Variants in PIAS2 observed in about 807,000 individuals in gnomAD.
The protein encoded by PIAS2 is protein inhibitor of activated STAT 2.
A neutral mutation model predicts 69.7 loss-of-function variants in PIAS2; 19 were observed. That is an observed-to-expected ratio of 0.27 (90% CI 0.19 to 0.40). The LOEUF (loss-of-function observed/expected upper bound fraction) is 0.40, where lower values mean the gene tolerates loss of function less well. PIAS2 is among the 10% of genes least tolerant of loss of function. The pLI is 1.00. For synonymous variants in PIAS2, 261 were observed against 263.2 expected (o/e 0.99, Z 0.08); for missense variants, 624 against 757.0 (o/e 0.82, Z 2.06).
intron 11 of PIAS2, among the ~76,000 whole-genome samples, chr18:46,825,585 A>G (rs2042742476): frequency 1.3e-5 from 2 of 152,202 alleles, no homozygotes; most frequent in Non-Finnish European, 2.9e-5. Flanking sequence ...TGCTCTGGCC[A>G]TACTCATTTG....
rs141833333 is a variant in PIAS2 at position 46,878,011 on chromosome 18, T to C, written c.499+12569A>G. On this transcript the variant is annotated intron_variant, in intron 2 of 13. Coordinates refer to ENST00000585916, the MANE Select transcript of PIAS2 (RefSeq NM_004671.5). ...CCAAGTATTCAGATTCATTTATAAT[T>C]ACTAAATGAGTAGGCTACTGGTATA... 4.0e-3 allele frequency among the ~76,000 whole-genome samples: 609 copies of C among 152,330 alleles called. 18 individuals carry two copies. Among genetic ancestry groups the C allele is most frequent in the Admixed American group, 0.039 (592 of 15,296 alleles).
chr18:46,836,197 AT>A, intron 9 of PIAS2, 159 bp downstream of exon 9: 1 of 548,440 alleles, frequency 1.8e-6, no homozygotes, highest in Non-Finnish European at 3.3e-6. Context: ...AAAAAATAAG[AT>A]TGAGTATAAT....
At chr18:46,919,981 G>A, upstream of PIAS2, 1 of 954,270 alleles carries the variant, frequency 1.0e-6, no homozygotes. Context: ...CTGCCACAGA[G>A]GAGCTTACAC....
At chr18:46,872,089 G>T (rs966612506) in intron 2 of PIAS2, among the ~76,000 whole-genome samples, 1 of 152,118 alleles carries the variant, frequency 6.6e-6, no homozygotes, top group East Asian at 1.9e-4. Context: ...TGTAGTCGAA[G>T]GTCTCATTCA....
At chr18:46,894,892 G>A (rs1221039715) in intron 1 of PIAS2, among the ~76,000 whole-genome samples, 5 of 151,568 alleles carry the variant, frequency 3.3e-5, no homozygotes, top group Non-Finnish European at 5.9e-5. Flanking sequence ...CCAACACGGT[G>A]AAACCCCGTC....
intron 2 of PIAS2, among the ~76,000 whole-genome samples, chr18:46,880,098 A>C (rs1391726523): frequency 6.6e-6 from 1 of 151,982 alleles, no homozygotes; most frequent in African/African-American, 2.4e-5. Context: ...GTAAAAAAAA[A>C]AAAAAAAAAA....
intron 5 of PIAS2, among the ~76,000 whole-genome samples, chr18:46,854,669 C>A (rs987170724): frequency 5.9e-5 from 9 of 152,118 alleles, no homozygotes; most frequent in Non-Finnish European, 1.3e-4. Flanking sequence ...TGTATACATC[C>A]TAGGTGCTGA....
At chr18:46,877,957 T>C (rs2051522820) in intron 2 of PIAS2, among the ~76,000 whole-genome samples, 1 of 152,236 alleles carries the variant, frequency 6.6e-6, no homozygotes, top group South Asian at 2.1e-4. Context: ...TGCCACAATT[T>C]CATGAATTTT....
intron 1 of PIAS2, among the ~76,000 whole-genome samples, chr18:46,895,824 CA>C (rs2054773217): frequency 6.6e-6 from 1 of 152,140 alleles, no homozygotes; most frequent in Non-Finnish European, 1.5e-5. Context: ...TTACTCTTTT[CA>C]AAGGTCATTG....
intron 5 of PIAS2, chr18:46,852,873 T>G (rs934528024): frequency 6.6e-6 from 1 of 152,310 alleles, no homozygotes; most frequent in Non-Finnish European, 1.5e-5. Flanking sequence ...CACACGATGA[T>G]ACAGGATAAG....
chr18:46,819,785 T>C (rs922733110), intron 12 of PIAS2, among the ~76,000 whole-genome samples: 1 of 152,084 alleles, frequency 6.6e-6, no homozygotes, highest in Non-Finnish European at 1.5e-5. Flanking sequence ...TGCTCAAATA[T>C]AATTGACAGA....
intron 3 of PIAS2, among the ~76,000 whole-genome samples, chr18:46,859,125 T>A (rs1472402246): frequency 6.6e-6 from 1 of 152,042 alleles, no homozygotes; most frequent in African/African-American, 2.4e-5. Context: ...ATATTCAGAA[T>A]GACATAAAAG....
intron 1 of PIAS2, chr18:46,915,347 G>C (rs2057701168): frequency 1.3e-5 from 2 of 152,156 alleles, no homozygotes; most frequent in Non-Finnish European, 2.9e-5. Flanking sequence ...TGTAAGGGCG[G>C]GGTACAGTTC....
chr18:46,830,786 T>C (rs504668), intron 9 of PIAS2, among the ~76,000 whole-genome samples: 68,050 of 151,954 alleles, frequency 0.45, 15,305 homozygotes, highest in Middle Eastern at 0.52. Context: ...CAATGTCTTC[T>C]CTAGGGAATT....
At chr18:46,836,588 G>C (rs989453378) in intron 8 of PIAS2, 71 bp from the exon 9 acceptor site, 3 of 1,114,274 alleles carry the variant, frequency 2.7e-6, no homozygotes, top group Non-Finnish European at 3.9e-6. Flanking sequence ...ATGGTCAGTT[G>C]TAAAAGTCGG....
chr18:46,881,784 C>T (rs1306534532), intron 2 of PIAS2, among the ~76,000 whole-genome samples: 1 of 152,248 alleles, frequency 6.6e-6, no homozygotes, highest in Non-Finnish European at 1.5e-5. Flanking sequence ...CCATCTCATA[C>T]TTCTGGCTTC....
chr18:46,914,813 A>AAGTT, intron 1 of PIAS2, among the ~76,000 whole-genome samples: 1 of 152,138 alleles, frequency 6.6e-6, no homozygotes, highest in Non-Finnish European at 1.5e-5. Flanking sequence ...TACTGCCAAG[A>AAGTT]AGTTAGCCAA....
chr18:46,871,642 C>G (rs2050375501), intron 2 of PIAS2, among the ~76,000 whole-genome samples: 1 of 152,142 alleles, frequency 6.6e-6, no homozygotes, highest in South Asian at 2.1e-4. Flanking sequence ...ACCCTTTTAA[C>G]AGATTCAAGA....
At chr18:46,839,796 C>G (rs1426500960) in intron 8 of PIAS2, among the ~76,000 whole-genome samples, 2 of 147,756 alleles carry the variant, frequency 1.4e-5, no homozygotes, top group African/African-American at 2.5e-5. Flanking sequence ...ACCTGGGAGG[C>G]AGAGGTTGCA....
Sources: allele counts gnomAD v4.1 joint callset (sites outside exome capture counted in the v4.1 genomes callset), GRCh38; gene constraint gnomAD v4.1.1; transcripts MANE v1.5; gene names NCBI Gene and HGNC (gene_info 2026-07-23, HGNC 2026-07-21).